Variants in NLGN4X observed in about 807,000 individuals in gnomAD.
NLGN4X encodes the protein neuroligin-4, X-linked.
NLGN4X carries 3 observed loss-of-function variants against 40.3 expected under a neutral mutation model. The observed-to-expected ratio is 0.07, with a 90% CI of 0.03 to 0.19. NLGN4X has a LOEUF of 0.19. Ranked by LOEUF, NLGN4X falls within the 10% of genes least tolerant of loss-of-function variation. The pLI is 1.00. For synonymous variants in NLGN4X, 270 were observed against 306.8 expected (o/e 0.88, Z 1.25); for missense variants, 382 against 708.3 (o/e 0.54, Z 5.23).
intron 3 of NLGN4X, among the ~76,000 whole-genome samples, chrX:5,925,825 C>CATATATATATATATATATACATACACAT (rs2033250013): frequency 4.6e-5 from 2 of 43,360 alleles, no homozygotes; most frequent in Admixed American, 2.8e-4. Context: ...TGAATCCCAC[C>CATATATATATATATATATACATACACAT]ATATATATAT....
At chrX:6,192,114 A>G (rs1307170280) in intron 1 of NLGN4X, among the ~76,000 whole-genome samples, 1 of 110,945 alleles carries the variant, frequency 9.0e-6, no homozygotes, top group African/African-American at 3.3e-5. Flanking sequence ...TGAGCGTTGC[A>G]TAGACATTGT....
chrX:5,892,745 T>G lies in NLGN4X; in HGVS notation c.*72A>C. 2.6e-6 allele frequency: 3 copies of G among 1,172,394 alleles called. No individual in the cohort carries two copies. Among genetic ancestry groups the G allele is most frequent in the Non-Finnish European group, 3.5e-6 (3 of 863,925 alleles). ...GACTTTCTTTCTCTCTCTCTTTCCT[T>G]CTCTCTTTCCTTCCCTCTTCTATGT... is the stretch of plus-strand genomic sequence containing the variant. On this transcript the variant is annotated 3_prime_UTR_variant, in exon 6 of 6. Transcript: ENST00000381095.
intron 1 of NLGN4X, among the ~76,000 whole-genome samples, chrX:6,175,655 G>GGAAAA (rs758119843): frequency 6.6e-5 from 4 of 60,993 alleles, no homozygotes; most frequent in Admixed American, 2.3e-4. Context: ...ATCTATTACA[G>GGAAAA]AAAAAAAAAA....
At position 5,890,666 on chromosome X, in the gene NLGN4X, C is replaced by T. The variant is rs1371275839; in HGVS notation, c.*2151G>A. On this transcript the variant is annotated 3_prime_UTR_variant, in exon 6 of 6. Coordinates refer to ENST00000381095, the MANE Select transcript of NLGN4X (RefSeq NM_181332.3). ...TCATAGCTCTATGAAACAATGAATT[C>T]GGAATGAAATCTTACCATGACACCT... 1.6e-5 allele frequency: 5 copies of T among 322,285 alleles called. No individual in the cohort carries two copies. The highest frequency in any genetic ancestry group is 3.0e-5 in the Non-Finnish European group (5 of 167,841). 26.6% of individuals were successfully genotyped at this position (322,285 alleles called of 1,213,427 possible).
chrX:5,914,148 G>A (rs1334962421), intron 3 of NLGN4X, among the ~76,000 whole-genome samples: 1 of 112,098 alleles, frequency 8.9e-6, no homozygotes, highest in Non-Finnish European at 1.9e-5. Flanking sequence ...TGGAAAAGAT[G>A]ACTAAAAATA....
intron 1 of NLGN4X, among the ~76,000 whole-genome samples, chrX:6,192,589 C>T (rs983273188): frequency 2.7e-5 from 3 of 112,019 alleles, no homozygotes; most frequent in Non-Finnish European, 5.6e-5. Context: ...TTGGATGCCT[C>T]TTCCAACAGA....
intron 3 of NLGN4X, among the ~76,000 whole-genome samples, chrX:6,017,851 G>A (rs1486174829): frequency 9.0e-6 from 1 of 111,230 alleles, no homozygotes; most frequent in Admixed American, 9.6e-5. Context: ...ATTTGTGTTA[G>A]ATGATGTCAC....
intron 2 of NLGN4X, among the ~76,000 whole-genome samples, chrX:6,066,115 T>C: frequency 8.9e-6 from 1 of 112,285 alleles, no homozygotes; most frequent in Non-Finnish European, 1.9e-5. Context: ...TTACATGGTA[T>C]ATGAGGCTCC....
At chrX:6,087,460 C>G (rs142999436) in intron 2 of NLGN4X, among the ~76,000 whole-genome samples, 10 of 112,130 alleles carry the variant, frequency 8.9e-5, no homozygotes, top group Admixed American at 2.8e-4. Context: ...ACATTTTGCT[C>G]TGCCTCTTCA....
intron 3 of NLGN4X, among the ~76,000 whole-genome samples, chrX:5,949,758 G>A (rs892647525): frequency 4.5e-5 from 5 of 111,769 alleles, no homozygotes; most frequent in Admixed American, 1.9e-4. Flanking sequence ...CAATTCAATC[G>A]ATGGAGTGCT....
At chrX:5,951,414 G>A (rs1411218430) in intron 3 of NLGN4X, among the ~76,000 whole-genome samples, 1 of 111,807 alleles carries the variant, frequency 8.9e-6, no homozygotes, top group Non-Finnish European at 1.9e-5. Context: ...CATCGAACCT[G>A]GAGGAAGTAA....
chrX:6,156,946 T>A (rs2040281710), intron 1 of NLGN4X, among the ~76,000 whole-genome samples: 2 of 111,166 alleles, frequency 1.8e-5, no homozygotes, highest in East Asian at 2.8e-4. Flanking sequence ...ACAAAAAAAA[T>A]TTACCATTTT....
At chrX:6,214,416 TGTG>T (rs1283793169) in intron 1 of NLGN4X, among the ~76,000 whole-genome samples, 2 of 111,883 alleles carry the variant, frequency 1.8e-5, no homozygotes, top group Non-Finnish European at 3.8e-5. Context: ...TTTTGCCTTC[TGTG>T]TCTCTTTGAA....
chrX:6,154,899 G>A (rs1289212291), intron 1 of NLGN4X, among the ~76,000 whole-genome samples: 1 of 111,650 alleles, frequency 9.0e-6, no homozygotes, highest in Admixed American at 9.5e-5. Context: ...ACACTCTTCA[G>A]GCCTATCAGA....
chrX:5,960,569 T>A (rs2034627854), intron 3 of NLGN4X, among the ~76,000 whole-genome samples: 1 of 112,146 alleles, frequency 8.9e-6, no homozygotes, highest in Non-Finnish European at 1.9e-5. Flanking sequence ...TTATCTTTTT[T>A]ATGCTGTTTT....
chrX:6,177,542 GATTT>G (rs1235318438), intron 1 of NLGN4X, among the ~76,000 whole-genome samples: 1 of 111,893 alleles, frequency 8.9e-6, no homozygotes, highest in Non-Finnish European at 1.9e-5. Context: ...AGATGGTCAA[GATTT>G]ATTTATAATT....
chrX:6,057,224 G>T (rs997167004), intron 2 of NLGN4X, among the ~76,000 whole-genome samples: 1 of 111,827 alleles, frequency 8.9e-6, no homozygotes. Flanking sequence ...TTGTTGATTT[G>T]CATAGACTAA....
chrX:6,181,638 C>T (rs1369005013), intron 1 of NLGN4X, among the ~76,000 whole-genome samples: 1 of 111,567 alleles, frequency 9.0e-6, no homozygotes, highest in African/African-American at 3.3e-5. Flanking sequence ...TCAGTGCTAC[C>T]TCAGGTCTCT....
At chrX:6,051,577 T>A (rs939047214) in intron 2 of NLGN4X, among the ~76,000 whole-genome samples, 35 of 107,766 alleles carry the variant, frequency 3.2e-4, no homozygotes, top group Non-Finnish European at 9.7e-5. Flanking sequence ...CCCCAGAAAG[T>A]AGGAGAGAGA....
Sources: allele counts gnomAD v4.1 joint callset (sites outside exome capture counted in the v4.1 genomes callset), GRCh38; gene constraint gnomAD v4.1.1; transcripts MANE v1.5; gene names NCBI Gene and HGNC (gene_info 2026-07-23, HGNC 2026-07-21).